The following IREB2 variants were observed in gnomAD, a reference collection of about 807,000 sequenced individuals.
IREB2 encodes the protein iron responsive element binding protein 2.
IREB2 carries 39 observed loss-of-function variants against 118.8 expected under a neutral mutation model. That is an observed-to-expected ratio of 0.33 (90% confidence interval 0.25 to 0.43). IREB2 has a LOEUF of 0.43. Ranked by LOEUF, IREB2 falls within the 20% of genes least tolerant of loss-of-function variation. IREB2 has a pLI of 1.00. For synonymous variants in IREB2, 372 were observed against 392.2 expected (o/e 0.95, Z 0.61); for missense variants, 900 against 1,147.3 (o/e 0.78, Z 3.11).
chr15:78,442,864 G>T (rs984556447), intron 2 of IREB2, among the ~76,000 whole-genome samples: 1 of 152,152 alleles, frequency 6.6e-6, no homozygotes, highest in Non-Finnish European at 1.5e-5. Flanking sequence ...TAACTGTACA[G>T]AGTACATGTG....
Position 78,494,218 on chromosome 15 carries a change from G to T in IREB2, c.2549G>T (p.Gly850Val). The change falls in exon 20 of 22, where the codon GGT becomes GTT. Residue 850 changes from glycine to valine, a missense_variant. Gly to Val is a moderately radical substitution (Grantham distance 109). Transcript: ENST00000258886. ...ATTATTTTAGCAGGAAAGAAATATG[G>T]TTCAGGAAACTCCAGAGACTGGGCT... Reference protein sequence around the residue: ...PLIILAGKKYGSGNSRDWAAK... With the variant: ...PLIILAGKKYVSGNSRDWAAK... The T allele has an allele frequency of 6.2e-7, 1 of 1,614,002 alleles. No individual in the cohort carries two copies. Among genetic ancestry groups the T allele is most frequent in the Non-Finnish European group, 8.5e-7 (1 of 1,179,960 alleles).
At position 78,478,304 on chromosome 15, in the gene IREB2, C is replaced by T; in HGVS notation, c.1203C>T (p.Ser401=). Reference sequence around the variant, plus strand: ...TGTTCATCTTCGTTTTAGGTTTTAGCAAAGCCAAACTCGAATCAATGGAAA... The same window carrying T: ...TGTTCATCTTCGTTTTAGGTTTTAGTAAAGCCAAACTCGAATCAATGGAAA... ...TLKHLEHTGF[S]KAKLESMETY... The change falls in exon 10 of 22, where the codon AGC becomes AGT. Residue 401 remains serine, a synonymous_variant. Transcript: ENST00000258886. The T allele has an allele frequency of 6.2e-7, 1 of 1,607,542 alleles. No homozygotes were observed. Among genetic ancestry groups the T allele is most frequent in the Admixed American group, 1.7e-5 (1 of 59,620 alleles).
intron 2 of IREB2, among the ~76,000 whole-genome samples, chr15:78,444,725 A>C (rs910832247): frequency 1.3e-5 from 2 of 152,206 alleles, no homozygotes; most frequent in Admixed American, 6.5e-5. Context: ...GCTACTTTTA[A>C]TAAAAATAAA....
chr15:78,440,984 C>G lies in IREB2; in HGVS notation c.106+1103C>G, dbSNP rs951477506. Among the ~76,000 whole-genome samples the G allele has an allele frequency of 3.3e-5, 5 of 152,304 alleles. No individual in the cohort carries two copies. The East Asian group carries it at 9.6e-4, about 29-fold the overall frequency. On this transcript the variant is annotated intron_variant, in intron 2 of 21. Transcript: ENST00000258886. ...TAGAAGACTCATTATTCTTTGTGAACTTTTCCATGACAATGACATGAAAAG... is the reference window on the plus strand; with the variant it reads ...TAGAAGACTCATTATTCTTTGTGAAGTTTTCCATGACAATGACATGAAAAG...
intron 2 of IREB2, among the ~76,000 whole-genome samples, chr15:78,451,851 C>T (rs530129129): frequency 1.3e-5 from 2 of 152,072 alleles, no homozygotes; most frequent in African/African-American, 4.8e-5. Context: ...CTGCGTCCAA[C>T]AGGGTTTCAC....
At chr15:78,485,676 T>C in intron 12 of IREB2, 29 bp from the exon 13 acceptor site, 1 of 1,606,956 alleles carries the variant, frequency 6.2e-7, no homozygotes, top group Non-Finnish European at 8.5e-7. Context: ...AACATTGCCA[T>C]AATAAATCAT....
chr15:78,439,596 T>C (rs1338480416), intron 1 of IREB2, among the ~76,000 whole-genome samples, 199 bp from the exon 2 acceptor site: 1 of 152,206 alleles, frequency 6.6e-6, no homozygotes, highest in Non-Finnish European at 1.5e-5. Flanking sequence ...AATTAAAAAT[T>C]CAGTTCCTCA....
intron 5 of IREB2, among the ~76,000 whole-genome samples, chr15:78,469,421 T>TAA (rs869144439): frequency 6.9e-6 from 1 of 145,748 alleles, no homozygotes. Context: ...AATCTTTGTT[T>TAA]AAAAAAAAAA....
chr15:78,468,251 CT>C (rs202103428), intron 5 of IREB2, among the ~76,000 whole-genome samples: 4 of 151,418 alleles, frequency 2.6e-5, no homozygotes, highest in African/African-American at 4.9e-5. Flanking sequence ...AGTAAACTGT[CT>C]TTTTTTTTGA....
intron 2 of IREB2, among the ~76,000 whole-genome samples, chr15:78,450,155 A>T (rs978127692): frequency 5.3e-5 from 8 of 152,238 alleles, no homozygotes; most frequent in Non-Finnish European, 2.9e-5. Context: ...CTAAGATAGC[A>T]TCTGTGCTAA....
intron 10 of IREB2, among the ~76,000 whole-genome samples, chr15:78,482,339 G>T (rs1408348341): frequency 6.6e-6 from 1 of 152,156 alleles, no homozygotes; most frequent in Non-Finnish European, 1.5e-5. Flanking sequence ...TTTCAAGATG[G>T]TTATATTCAC....
chr15:78,473,242 G>A lies in IREB2; in HGVS notation c.884G>A (p.Gly295Glu), dbSNP rs1407865216. The change falls in exon 8 of 22, where the codon GGG becomes GAG. Residue 295 changes from glycine to glutamate, a missense_variant and splice_region_variant. Coordinates refer to ENST00000258886, the MANE Select transcript of IREB2 (RefSeq NM_004136.4). ...MVNGLGILGW[G>E]VGGIETEAVM... ...AATATACCTGTCTTTATTACGTTAGGGGTTGGAGGCATTGAAACAGAAGCA... is the reference window on the plus strand; with the variant it reads ...AATATACCTGTCTTTATTACGTTAGAGGTTGGAGGCATTGAAACAGAAGCA... 1 of 1,613,526 alleles carries A rather than the reference G, an allele frequency of 6.2e-7. No homozygotes were observed. Among genetic ancestry groups the A allele is most frequent in the South Asian group, 1.1e-5 (1 of 91,040 alleles).
Position 78,465,343 on chromosome 15 carries a change from C to T in IREB2, c.365C>T (p.Thr122Ile). 1 of 1,613,596 alleles carries T rather than the reference C, an allele frequency of 6.2e-7. No individual in the cohort carries two copies. Among genetic ancestry groups the T allele is most frequent in the Non-Finnish European group, 8.5e-7 (1 of 1,179,756 alleles). ...GAGAAAGTCCATCCTGCTTGTCCGA[C>T]AGATCTTACAGTTGACCATTCTTTA... ...DPEKVHPACP[T>I]DLTVDHSLQI... The change falls in exon 4 of 22, where the codon ACA (threonine) becomes ATA (isoleucine). Residue 122 changes from threonine (T) to isoleucine (I), a missense_variant. Thr to Ile is a moderately conservative substitution (Grantham distance 89, BLOSUM62 -1). Transcript: ENST00000258886.
rs561994309 is a variant in IREB2 at position 78,482,722 on chromosome 15, T to C, written c.1297-596T>C. 1.8e-3 allele frequency among the ~76,000 whole-genome samples: 270 copies of C among 151,912 alleles called. 3 individuals carry two copies. The highest frequency in any genetic ancestry group is 0.011 in the South Asian group (54 of 4,812). ...GACATCTGTTAAGACAGTGTTTATC[T>C]TTGTGGGAAAAAACACTTGGGAAAC... On this transcript the variant is annotated intron_variant, in intron 10 of 21. Transcript: ENST00000258886.
chr15:78,465,027 CTT>C (rs1485484622), intron 3 of IREB2, among the ~76,000 whole-genome samples: 6 of 152,270 alleles, frequency 3.9e-5, no homozygotes, highest in South Asian at 2.1e-4. Flanking sequence ...AAAATTATCT[CTT>C]ATTATTTTTG....
chr15:78,465,381 A>G lies in IREB2; in HGVS notation c.403A>G (p.Ser135Gly). The G allele has an allele frequency of 6.2e-7, 1 of 1,610,768 alleles. No homozygotes were observed. The highest frequency in any genetic ancestry group is 8.5e-7 in the Non-Finnish European group (1 of 1,178,966). The change falls in exon 4 of 22, where the codon AGT (serine) becomes GGT (glycine). Residue 135 changes from serine (S) to glycine (G), a missense_variant. Transcript: ENST00000258886. ...TGACCATTCTTTACAAATTGACTTC[A>G]GTAAATGGTACTTCAATGCAGATAT... is the stretch of plus-strand genomic sequence containing the variant. Reference protein sequence around the residue: ...TVDHSLQIDFSKCAIQNAPNP... With the variant: ...TVDHSLQIDFGKCAIQNAPNP...
chr15:78,465,145 C>CTTTT, intron 3 of IREB2, 106 bp from the exon 4 acceptor site: 1 of 856,018 alleles, frequency 1.2e-6, no homozygotes, highest in South Asian at 2.0e-5. Context: ...TGAATGTAAA[C>CTTTT]TAGACAGGGA....
chr15:78,492,394 A>G (rs1365010041), intron 18 of IREB2, among the ~76,000 whole-genome samples: 1 of 152,258 alleles, frequency 6.6e-6, no homozygotes, highest in African/African-American at 2.4e-5. Context: ...AAATAAAATT[A>G]CAAAGATTAC....
At position 78,465,376 on chromosome 15, in the gene IREB2, A is replaced by T; in HGVS notation, c.398A>T (p.Asp133Val). 3.1e-6 allele frequency: 5 copies of T among 1,611,300 alleles called. No homozygotes were observed. Among genetic ancestry groups the T allele is most frequent in the Non-Finnish European group, 4.2e-6 (5 of 1,179,206 alleles). The change falls in exon 4 of 22, where the codon GAC (aspartate) becomes GTC (valine). Residue 133 changes from aspartate to valine, a missense_variant. By Grantham distance (152) the Asp-to-Val change is radical. Transcript: ENST00000258886. ...ACAGTTGACCATTCTTTACAAATTGACTTCAGTAAATGGTACTTCAATGCA... is the reference window on the plus strand; with the variant it reads ...ACAGTTGACCATTCTTTACAAATTGTCTTCAGTAAATGGTACTTCAATGCA... ...DLTVDHSLQI[D>V]FSKCAIQNAP...
Sources: gnomAD v4.1 joint callset for allele counts (sites outside exome capture counted in the v4.1 genomes callset) on GRCh38, gnomAD v4.1.1 for gene constraint, MANE v1.5 for transcripts, NCBI Gene and HGNC (gene_info 2026-07-23, HGNC 2026-07-21) for gene names.